Variants in ITGBL1 observed in about 807,000 individuals in gnomAD.
ITGBL1 encodes the protein integrin beta-like protein 1.
In ITGBL1, 51 loss-of-function variants were observed where a neutral mutation model predicts 68.5. That is an observed-to-expected ratio of 0.74 (90% CI 0.59 to 0.94). The LOEUF (loss-of-function observed/expected upper bound fraction) is 0.94. Among genes scored for constraint, ITGBL1 ranks in the 40% least tolerant of loss-of-function variants. ITGBL1 has a pLI of 0.00. For synonymous variants in ITGBL1, 209 were observed against 227.3 expected (o/e 0.92, Z 0.72); for missense variants, 649 against 647.4 (o/e 1.00, Z -0.03).
Position 101,452,702 on chromosome 13 carries a change from C to T in ITGBL1, c.-132C>T, listed in dbSNP as rs1374603829. On this transcript the variant is annotated 5_prime_UTR_variant, in exon 1 of 11. Transcript: ENST00000376180. ...TTGCAACTCCGGCTGGAGCCCCGGA[C>T]CTGCAAGCCTGGGTGTCCGTGGGTC... 2.6e-5 allele frequency: 18 copies of T among 698,364 alleles called. No individual in the cohort carries two copies. In the Admixed American group the frequency reaches 4.1e-4, roughly 16 times the overall value. 43.3% of individuals were successfully genotyped at this position (698,364 alleles called of 1,614,324 possible).
chr13:101,655,979 G>A (rs187357157), intron 7 of ITGBL1, among the ~76,000 whole-genome samples: 4 of 152,220 alleles, frequency 2.6e-5, no homozygotes, highest in East Asian at 1.9e-4. Flanking sequence ...TTTTAGGATG[G>A]CGTGAGACAT....
chr13:101,548,872 A>T (rs983479221), intron 2 of ITGBL1, among the ~76,000 whole-genome samples: 4 of 151,726 alleles, frequency 2.6e-5, no homozygotes, highest in Non-Finnish European at 4.4e-5. Flanking sequence ...GTGATTAACT[A>T]CTCTCTCCAA....
At chr13:101,605,515 C>CAT (rs1566754000) in intron 7 of ITGBL1, among the ~76,000 whole-genome samples, 563 of 52,852 alleles carry the variant, frequency 0.011, 40 homozygotes, top group African/African-American at 0.038. Context: ...TGCGTATACA[C>CAT]ATATAGACAT....
At chr13:101,478,209 A>G (rs1424637465) in intron 2 of ITGBL1, among the ~76,000 whole-genome samples, 1 of 152,182 alleles carries the variant, frequency 6.6e-6, no homozygotes, top group Non-Finnish European at 1.5e-5. Flanking sequence ...GTGATACAAC[A>G]TATCAGCAGA....
Position 101,706,820 on chromosome 13 carries a change from A to G in ITGBL1, c.1197A>G (p.Gln399=). 1 of 1,614,184 alleles carries G rather than the reference A, an allele frequency of 6.2e-7. No homozygotes were observed. Among genetic ancestry groups the G allele is most frequent in the Non-Finnish European group, 8.5e-7 (1 of 1,180,028 alleles). The part of the protein sequence containing the change: ...CERGWFGKLC[Q]HPRKCNMTEE... ...GAGGATGGTTTGGAAAGCTCTGCCA[A>G]CATCCGCGGAAGTGTAACATGACGG... The change falls in exon 9 of 11, where the codon CAA becomes CAG. Residue 399 remains glutamine, a synonymous_variant. Transcript: ENST00000376180.
chr13:101,528,690 G>A (rs1351190205), intron 2 of ITGBL1, among the ~76,000 whole-genome samples: 1 of 151,948 alleles, frequency 6.6e-6, no homozygotes, highest in African/African-American at 2.4e-5. Flanking sequence ...TATAATGAAT[G>A]TTCTGTCAAA....
chr13:101,527,247 C>A lies in ITGBL1; in HGVS notation c.317-40452C>A, dbSNP rs568251371. Among the ~76,000 whole-genome samples, 118 of 152,226 alleles carry A rather than the reference C, an allele frequency of 7.8e-4. 2 individuals are homozygous for A. The South Asian group carries it at 0.023, about 30-fold the overall frequency. ...CAAAATATTTCCTCATGTCCCTTGA[C>A]TATTCATCTCTCCTTCCATCAGCCC... On this transcript the variant is annotated intron_variant, in intron 2 of 10. Coordinates refer to ENST00000376180, the MANE Select transcript of ITGBL1 (RefSeq NM_004791.3).
intron 6 of ITGBL1, 57 bp downstream of exon 6, chr13:101,583,413 G>GT (rs2050497689): frequency 1.4e-5 from 17 of 1,204,326 alleles, no homozygotes; most frequent in South Asian, 4.4e-5. Context: ...TTGTTAATGG[G>GT]TAAAAAAAAA....
At chr13:101,620,718 TAGA>T (rs2031547071) in intron 7 of ITGBL1, among the ~76,000 whole-genome samples, 1 of 152,164 alleles carries the variant, frequency 6.6e-6, no homozygotes, top group African/African-American at 2.4e-5. Context: ...AAAGTTAGAA[TAGA>T]AGGAGAGTCA....
At chr13:101,642,735 T>C (rs1396059702) in intron 7 of ITGBL1, among the ~76,000 whole-genome samples, 2 of 151,950 alleles carry the variant, frequency 1.3e-5, no homozygotes, top group Non-Finnish European at 2.9e-5. Context: ...TGAATTAATT[T>C]TTGTATAAGG....
At position 101,707,022 on chromosome 13, in the gene ITGBL1, C is replaced by T. The variant is rs920233336; in HGVS notation, c.1279+120C>T. 26 of 940,160 alleles carry T rather than the reference C, an allele frequency of 2.8e-5. No individual in the cohort carries two copies. In the Admixed American group the frequency reaches 5.4e-4, roughly 19 times the overall value. The allele number at this position is 940,160 out of a possible 1,614,324, so 58.2% of individuals were successfully genotyped here. A position where few individuals can be genotyped will look rare whatever the true frequency, so the allele number is the denominator to read the frequency against. ...GCATGAAAGCAAACCACTATGTCCT[C>T]TGCTGTCCCCAACTTGAAGCTTGAA... On this transcript the variant is annotated intron_variant, in intron 9 of 10. Transcript: ENST00000376180.
At position 101,659,561 on chromosome 13, in the gene ITGBL1, A is replaced by C. The variant is rs2033027852; in HGVS notation, c.1016-33024A>C. ...TTTCAAATGTAGATTAATTTACTTT[A>C]AGCTTGATTAATTGGCCATTCTTTC... On this transcript the variant is annotated intron_variant, in intron 7 of 10. Coordinates refer to ENST00000376180, the MANE Select transcript of ITGBL1 (RefSeq NM_004791.3). Among the ~76,000 whole-genome samples, 3 of 152,178 alleles carry C rather than the reference A, an allele frequency of 2.0e-5. No individual in the cohort carries two copies. The South Asian group carries it at 6.2e-4, about 31-fold the overall frequency.
At chr13:101,561,180 C>T (rs920115704) in intron 2 of ITGBL1, among the ~76,000 whole-genome samples, 1 of 151,976 alleles carries the variant, frequency 6.6e-6, no homozygotes, top group African/African-American at 2.4e-5. Context: ...AGCATGAAGC[C>T]CCGGGTGCTG....
chr13:101,693,165 G>A (rs1001309801), intron 8 of ITGBL1, among the ~76,000 whole-genome samples: 4 of 152,126 alleles, frequency 2.6e-5, no homozygotes, highest in Admixed American at 6.6e-5. Flanking sequence ...TTAATAAACT[G>A]TCCAGAGAAT....
chr13:101,502,392 AT>A (rs1229184826), intron 2 of ITGBL1, among the ~76,000 whole-genome samples: 2 of 152,166 alleles, frequency 1.3e-5, no homozygotes, highest in Non-Finnish European at 2.9e-5. Flanking sequence ...TTCAAAAGAG[AT>A]CATTATCTTG....
chr13:101,505,535 AT>A (rs1308509487), intron 2 of ITGBL1, among the ~76,000 whole-genome samples: 1 of 152,186 alleles, frequency 6.6e-6, no homozygotes, highest in African/African-American at 2.4e-5. Flanking sequence ...TCATTATCTT[AT>A]TCAATCTGTA....
intron 2 of ITGBL1, among the ~76,000 whole-genome samples, chr13:101,500,082 T>C (rs945553051): frequency 6.6e-6 from 1 of 152,212 alleles, no homozygotes; most frequent in Non-Finnish European, 1.5e-5. Flanking sequence ...GACCCTTGCA[T>C]TTTCTGTGGT....
intron 7 of ITGBL1, among the ~76,000 whole-genome samples, chr13:101,655,171 A>G (rs559872184): frequency 6.6e-6 from 1 of 152,292 alleles, no homozygotes; most frequent in Non-Finnish European, 1.5e-5. Flanking sequence ...GAAGGCGGGG[A>G]TCTTGGCAAA....
At chr13:101,604,887 T>TATGTATATATATATACACACAC in intron 7 of ITGBL1, among the ~76,000 whole-genome samples, 3 of 22,164 alleles carry the variant, frequency 1.4e-4, no homozygotes, top group Admixed American at 8.1e-4. Context: ...TATATATATA[T>TATGTATATATATATACACACAC]ACACACACAC....
Sources: gnomAD v4.1 joint callset for allele counts (sites outside exome capture counted in the v4.1 genomes callset) on GRCh38, gnomAD v4.1.1 for gene constraint, MANE v1.5 for transcripts, NCBI Gene and HGNC (gene_info 2026-07-23, HGNC 2026-07-21) for gene names.